B3GALT1: variants seen among roughly 807,000 people sequenced by gnomAD.
B3GALT1 encodes the protein UDP-Gal:betaGlcNAc beta 1,3-galactosyltransferase, polypeptide 1.
In B3GALT1, 10 loss-of-function variants were observed where a neutral mutation model predicts 23.2. That is an observed-to-expected ratio of 0.43 (90% CI 0.27 to 0.73). The LOEUF (loss-of-function observed/expected upper bound fraction) is 0.73, where lower values mean the gene tolerates loss of function less well. B3GALT1 is among the 30% of genes least tolerant of loss of function. The pLI is 0.21. For synonymous variants in B3GALT1, 156 were observed against 141.5 expected (o/e 1.10, Z -0.73); for missense variants, 299 against 405.4 (o/e 0.74, Z 2.25).
chr2:167,516,596 T>C (rs1700102337), intron 2 of B3GALT1, among the ~76,000 whole-genome samples: 1 of 152,036 alleles, frequency 6.6e-6, no homozygotes, highest in Admixed American at 6.6e-5. Flanking sequence ...TTAGAAATAA[T>C]AGTATTATTT....
chr2:167,703,593 A>G (rs1020239416), intron 3 of B3GALT1, among the ~76,000 whole-genome samples: 3 of 152,210 alleles, frequency 2.0e-5, no homozygotes, highest in Non-Finnish European at 2.9e-5. Flanking sequence ...TCATTTTAAG[A>G]TGACACAAAA....
intron 2 of B3GALT1, among the ~76,000 whole-genome samples, chr2:167,509,961 ATGAGAATGGTGTAC>A (rs1284912265): frequency 6.6e-6 from 1 of 152,182 alleles, no homozygotes; most frequent in Non-Finnish European, 1.5e-5. Context: ...CCAGAGAGAG[ATGAGAATGGTGTAC>A]TGAGAAGCGA....
At chr2:167,381,799 T>G (rs2105276553) in intron 1 of B3GALT1, among the ~76,000 whole-genome samples, 1 of 152,318 alleles carries the variant, frequency 6.6e-6, no homozygotes, top group East Asian at 1.9e-4. Flanking sequence ...TGTTTAAAGG[T>G]TTAAATAAAA....
At chr2:167,853,167 G>A (rs1361771150) in intron 4 of B3GALT1, among the ~76,000 whole-genome samples, 1 of 152,146 alleles carries the variant, frequency 6.6e-6, no homozygotes, top group East Asian at 1.9e-4. Context: ...ATATTCAGAT[G>A]ATCAAAACCT....
chr2:167,521,980 G>GTATATATATATATA (rs1211999226), intron 2 of B3GALT1, among the ~76,000 whole-genome samples: 21 of 128,126 alleles, frequency 1.6e-4, no homozygotes, highest in East Asian at 1.2e-3. Context: ...GTGTGTGTGT[G>GTATATATATATATA]TGTGTATATA....
chr2:167,767,052 A>T (rs934352109), intron 3 of B3GALT1, among the ~76,000 whole-genome samples: 1 of 152,124 alleles, frequency 6.6e-6, no homozygotes, highest in African/African-American at 2.4e-5. Flanking sequence ...GTGCTTCAGG[A>T]TCTTGATCCC....
At chr2:167,565,019 A>G (rs886474528) in intron 2 of B3GALT1, among the ~76,000 whole-genome samples, 6 of 152,208 alleles carry the variant, frequency 3.9e-5, no homozygotes, top group African/African-American at 1.4e-4. Context: ...TAAATTTCAT[A>G]TGGAACCAAA....
At chr2:167,749,757 G>A (rs919519860) in intron 3 of B3GALT1, among the ~76,000 whole-genome samples, 78 of 152,308 alleles carry the variant, frequency 5.1e-4, no homozygotes, top group African/African-American at 1.8e-3. Flanking sequence ...GACATTTAAT[G>A]CTAGTTTTAT....
chr2:167,432,992 G>T (rs929977260), intron 1 of B3GALT1, among the ~76,000 whole-genome samples: 3 of 152,152 alleles, frequency 2.0e-5, no homozygotes, highest in African/African-American at 7.2e-5. Context: ...CATTCCAGGG[G>T]TTTGGACAAA....
intron 3 of B3GALT1, among the ~76,000 whole-genome samples, chr2:167,710,184 C>T (rs1266480305): frequency 6.6e-6 from 1 of 152,128 alleles, no homozygotes; most frequent in Non-Finnish European, 1.5e-5. Flanking sequence ...TTCAGAAAGA[C>T]TATAAATACT....
At chr2:167,511,861 AT>A (rs1475466034) in intron 2 of B3GALT1, among the ~76,000 whole-genome samples, 3 of 152,134 alleles carry the variant, frequency 2.0e-5, no homozygotes, top group African/African-American at 4.8e-5. Context: ...TATAAAGAAC[AT>A]TTTTGGGCTT....
At chr2:167,561,631 C>T (rs1223109342) in intron 2 of B3GALT1, among the ~76,000 whole-genome samples, 2 of 152,252 alleles carry the variant, frequency 1.3e-5, no homozygotes, top group South Asian at 2.1e-4. Context: ...GATATCACCA[C>T]CGATCCCACA....
At chr2:167,617,669 A>C (rs141421503) in intron 2 of B3GALT1, among the ~76,000 whole-genome samples, 2 of 152,194 alleles carry the variant, frequency 1.3e-5, no homozygotes, top group Non-Finnish European at 2.9e-5. Context: ...ATCAGTTCTA[A>C]TTTGGGAGGT....
chr2:167,479,504 ACT>A, intron 1 of B3GALT1, among the ~76,000 whole-genome samples: 1 of 152,142 alleles, frequency 6.6e-6, no homozygotes, highest in East Asian at 1.9e-4. Context: ...TTGTTTTAAA[ACT>A]CTGTATGACT....
intron 1 of B3GALT1, among the ~76,000 whole-genome samples, chr2:167,383,890 C>G (rs1040994324): frequency 6.6e-6 from 1 of 152,134 alleles, no homozygotes; most frequent in African/African-American, 2.4e-5. Context: ...TTATGATTAA[C>G]GTTTTATATT....
At chr2:167,603,048 T>G (rs751347345) in intron 2 of B3GALT1, among the ~76,000 whole-genome samples, 1 of 152,158 alleles carries the variant, frequency 6.6e-6, no homozygotes, top group African/African-American at 2.4e-5. Flanking sequence ...TTGGAGAACT[T>G]TCTTAGCTTT....
At chr2:167,553,408 C>T (rs184211545) in intron 2 of B3GALT1, among the ~76,000 whole-genome samples, 29 of 152,192 alleles carry the variant, frequency 1.9e-4, no homozygotes, top group African/African-American at 6.7e-4. Context: ...AAATTGAGAC[C>T]GAGAAAACCT....
intron 1 of B3GALT1, among the ~76,000 whole-genome samples, chr2:167,486,531 A>G (rs748433809): frequency 2.8e-4 from 43 of 151,370 alleles, no homozygotes; most frequent in Non-Finnish European, 5.3e-4. Context: ...CATCCTGGCC[A>G]ACATGGTGAA....
At chr2:167,865,577 A>T (rs906526823) in intron 4 of B3GALT1, among the ~76,000 whole-genome samples, 1 of 152,062 alleles carries the variant, frequency 6.6e-6, no homozygotes, top group East Asian at 1.9e-4. Flanking sequence ...AGATCACAAG[A>T]TCAGGAGATC....
Sources: gnomAD v4.1 joint callset for allele counts (sites outside exome capture counted in the v4.1 genomes callset) on GRCh38, gnomAD v4.1.1 for gene constraint, MANE v1.5 for transcripts, NCBI Gene and HGNC (gene_info 2026-07-23, HGNC 2026-07-21) for gene names.